The following SLC26A5 variants were observed in gnomAD, a reference collection of about 807,000 sequenced individuals.
SLC26A5 encodes solute carrier family 26 member 5.
Under a neutral mutation model 81.0 loss-of-function variants are expected in SLC26A5, and 51 were observed. The ratio of observed to expected loss-of-function variants is 0.63; its 90% CI spans 0.50 to 0.80. SLC26A5 has a LOEUF of 0.80. Among genes scored for constraint, SLC26A5 ranks in the 30% least tolerant of loss-of-function variants. The probability of loss-of-function intolerance (pLI) is 0.00; values close to 1 mark genes in which losing one functional copy is unlikely to be tolerated. For missense variants in SLC26A5, 771 were observed against 905.8 expected (o/e 0.85, Z 1.91); for synonymous variants, 325 against 332.8 (o/e 0.98, Z 0.25).
intron 8 of SLC26A5, among the ~76,000 whole-genome samples, chr7:103,406,027 C>T (rs1256174257): frequency 6.6e-6 from 1 of 152,204 alleles, no homozygotes; most frequent in African/African-American, 2.4e-5. Context: ...ATGCCCCTCC[C>T]CCCACCAAGC....
chr7:103,427,122 G>T (rs1158950864), intron 2 of SLC26A5, among the ~76,000 whole-genome samples: 2 of 150,284 alleles, frequency 1.3e-5, no homozygotes, highest in Non-Finnish European at 3.0e-5. Context: ...TGCCTAGGCT[G>T]GAGTGCAGTG....
chr7:103,422,660 A>G (rs1344631789), intron 2 of SLC26A5, among the ~76,000 whole-genome samples: 2 of 152,224 alleles, frequency 1.3e-5, no homozygotes, highest in Non-Finnish European at 2.9e-5. Context: ...AAAAAAAAGA[A>G]CTGGCACAAA....
chr7:103,420,589 T>C (rs1825269632), intron 4 of SLC26A5, 149 bp downstream of exon 4: 2 of 1,128,634 alleles, frequency 1.8e-6, no homozygotes, highest in Admixed American at 4.2e-5. Context: ...GTTTAAGGAT[T>C]ACATGTTTCT....
Position 103,352,819 on chromosome 7 carries a change from C to T in SLC26A5, c.*91G>A, listed in dbSNP as rs1819795757. On this transcript the variant is annotated 3_prime_UTR_variant, in exon 20 of 20. Transcript: ENST00000339444. Reference sequence around the variant, plus strand: ...GCTGAGGTCACCCCACTAACAGATTCCAGAGCTGGCATTCAAACCCTGTCC... The same window carrying T: ...GCTGAGGTCACCCCACTAACAGATTTCAGAGCTGGCATTCAAACCCTGTCC... 3 of 780,428 alleles carry T rather than the reference C, an allele frequency of 3.8e-6. No homozygotes were observed. The East Asian group carries it at 7.3e-5, about 19-fold the overall frequency. 48.3% of individuals were successfully genotyped at this position (780,428 alleles called of 1,614,324 possible).
intron 9 of SLC26A5, among the ~76,000 whole-genome samples, chr7:103,397,711 C>A: frequency 9.7e-6 from 1 of 103,458 alleles, no homozygotes; most frequent in Admixed American, 1.1e-4. Context: ...AGTGAGACTT[C>A]GTCTCAAAAA....
intron 8 of SLC26A5, among the ~76,000 whole-genome samples, chr7:103,406,996 A>G (rs1346166284): frequency 2.0e-5 from 3 of 152,156 alleles, no homozygotes; most frequent in Non-Finnish European, 4.4e-5. Flanking sequence ...ACACGTGCAA[A>G]CAAGCCCCAG....
intron 8 of SLC26A5, among the ~76,000 whole-genome samples, chr7:103,405,736 C>T (rs1823995654): frequency 6.6e-6 from 1 of 152,226 alleles, no homozygotes; most frequent in South Asian, 2.1e-4. Context: ...CTCTTCAGAG[C>T]TGGCAGACCG....
In SLC26A5 at chr7:103,420,788, A is replaced by G. The variant is rs777662314; in HGVS notation, c.242T>C (p.Leu81Ser). 3.7e-6 allele frequency: 6 copies of G among 1,614,182 alleles called. No individual in the cohort carries two copies. In the South Asian group the frequency reaches 6.6e-5, roughly 18 times the overall value. ...GCTTATGCCTGAGACCAAGTCACCCAACACATATTCCTTGAATTTGTATGC... is the reference window on the plus strand; with the variant it reads ...GCTTATGCCTGAGACCAAGTCACCCGACACATATTCCTTGAATTTGTATGC... ...LPAYKFKEYV[L>S]GDLVSGISTG... The change falls in exon 4 of 20, where the codon TTG (leucine) becomes TCG (serine). Residue 81 changes from leucine (L) to serine (S), a missense_variant. Physicochemically the swap from Leu to Ser is moderately radical, Grantham distance 145. Transcript: ENST00000306312.
chr7:103,375,880 C>T (rs1470939376), intron 19 of SLC26A5, among the ~76,000 whole-genome samples: 2 of 151,978 alleles, frequency 1.3e-5, no homozygotes, highest in African/African-American at 2.4e-5. Flanking sequence ...CTCAGCCTTC[C>T]GAGTAGCTGG....
intron 7 of SLC26A5, 35 bp downstream of exon 7, chr7:103,410,350 A>G (rs754891234): frequency 1.9e-6 from 3 of 1,573,930 alleles, no homozygotes; most frequent in East Asian, 4.5e-5. Context: ...GAATAAAGAG[A>G]AAAGTACCAG....
intron 19 of SLC26A5, chr7:103,363,244 TGTGA>T: frequency 2.2e-6 from 2 of 889,308 alleles, no homozygotes; most frequent in Non-Finnish European, 3.5e-6. Flanking sequence ...AATTCTCACT[TGTGA>T]GTTTTTCTTT....
intron 7 of SLC26A5, among the ~76,000 whole-genome samples, chr7:103,410,002 C>T (rs1004418410): frequency 8.5e-5 from 13 of 152,156 alleles, no homozygotes; most frequent in African/African-American, 1.9e-4. Flanking sequence ...CCACCACGCC[C>T]GGCCTTAATT....
chr7:103,397,540 CAAAAAAAAAAAA>C (rs746669151), intron 9 of SLC26A5, among the ~76,000 whole-genome samples: 1 of 39,884 alleles, frequency 2.5e-5, no homozygotes, highest in African/African-American at 1.1e-4. Flanking sequence ...GACTCCATCT[CAAAAAAAAAAAA>C]AAAAAAAAAA....
chr7:103,408,050 G>A (rs765440460), intron 7 of SLC26A5, 47 bp from the exon 8 acceptor site: 6 of 1,610,464 alleles, frequency 3.7e-6, no homozygotes, highest in Non-Finnish European at 4.2e-6. Context: ...AATCGCCCCT[G>A]AGAGAGACAG....
Position 103,413,756 on chromosome 7 carries a change from C to T in SLC26A5, c.293-644G>A, listed in dbSNP as rs542519784. Among the ~76,000 whole-genome samples the T allele has an allele frequency of 3.9e-5, 6 of 152,332 alleles. No homozygotes were observed. The South Asian group carries it at 8.3e-4, about 21-fold the overall frequency. On this transcript the variant is annotated intron_variant, in intron 4 of 19. Coordinates refer to ENST00000306312, the MANE Select transcript of SLC26A5 (RefSeq NM_198999.3). Reference sequence around the variant, plus strand: ...ACCCTCTAGGGGACTCTTTCCCTCACTCTGCGGTCCTAGGCAGTTCACATC... The same window carrying T: ...ACCCTCTAGGGGACTCTTTCCCTCATTCTGCGGTCCTAGGCAGTTCACATC...
intron 2 of SLC26A5, among the ~76,000 whole-genome samples, chr7:103,431,234 T>C (rs1826059001): frequency 6.6e-6 from 1 of 152,224 alleles, no homozygotes; most frequent in Admixed American, 6.5e-5. Context: ...GCAAGTATTA[T>C]GAAATAACTA....
At chr7:103,363,293 G>A (rs1336737674) in intron 19 of SLC26A5, 1 of 1,412,310 alleles carries the variant, frequency 7.1e-7, no homozygotes, top group South Asian at 1.2e-5. Flanking sequence ...AATTTGGACA[G>A]TATCCAAAAA....
intron 2 of SLC26A5, among the ~76,000 whole-genome samples, chr7:103,433,159 G>A (rs1420626126): frequency 3.9e-5 from 6 of 152,102 alleles, no homozygotes; most frequent in African/African-American, 1.2e-4. Flanking sequence ...GTCTCCTGTG[G>A]GCCTGAAGCC....
At chr7:103,430,079 T>A (rs1332260527) in intron 2 of SLC26A5, among the ~76,000 whole-genome samples, 1 of 64,728 alleles carries the variant, frequency 1.5e-5, no homozygotes, top group African/African-American at 3.2e-4. Flanking sequence ...AATGGCACTT[T>A]TTTTTTTTTT....
Sources: gnomAD v4.1 joint callset for allele counts (sites outside exome capture counted in the v4.1 genomes callset) on GRCh38, gnomAD v4.1.1 for gene constraint, MANE v1.5 for transcripts, NCBI Gene and HGNC (gene_info 2026-07-23, HGNC 2026-07-21) for gene names.